Variants in KDM3B observed in about 807,000 individuals in gnomAD.
KDM3B encodes the protein lysine-specific demethylase 3B.
A neutral mutation model predicts 170.0 loss-of-function variants in KDM3B; 10 were observed. The observed-to-expected ratio is 0.06, with a 90% confidence interval of 0.04 to 0.10. The LOEUF (loss-of-function observed/expected upper bound fraction) is 0.10, where lower values mean the gene tolerates loss of function less well. KDM3B is among the 10% of genes least tolerant of loss of function. The pLI is 1.00. For synonymous variants in KDM3B, 831 were observed against 834.8 expected, an observed-to-expected ratio of 1.00 and a Z score of 0.08; for missense variants, 1,394 against 2,195.2, an observed-to-expected ratio of 0.64 and a Z score of 7.29.
chr5:138,358,220 T>C (rs187968025), intron 1 of KDM3B, among the ~76,000 whole-genome samples: 6 of 151,602 alleles, frequency 4.0e-5, no homozygotes, highest in Non-Finnish European at 8.8e-5. Flanking sequence ...TGACCTTAGG[T>C]GATCTGCCTG....
intron 9 of KDM3B, among the ~76,000 whole-genome samples, chr5:138,397,130 A>G (rs1274747397): frequency 6.6e-6 from 1 of 152,050 alleles, no homozygotes; most frequent in East Asian, 1.9e-4. Flanking sequence ...GGAGATCGAG[A>G]CCATCCTGGC....
chr5:138,428,414 T>A (rs1436388962), intron 20 of KDM3B, among the ~76,000 whole-genome samples: 1 of 152,186 alleles, frequency 6.6e-6, no homozygotes, highest in Admixed American at 6.5e-5. Flanking sequence ...TTTCGCCATG[T>A]TGGCCAGGCT....
chr5:138,381,468 T>C (rs1311013293), intron 5 of KDM3B, 48 bp from the exon 6 acceptor site: 1 of 1,109,800 alleles, frequency 9.0e-7, no homozygotes, highest in Non-Finnish European at 1.4e-6. Flanking sequence ...TATATAATTA[T>C]GTCTTTATGG....
intron 12 of KDM3B, among the ~76,000 whole-genome samples, chr5:138,416,850 T>A (rs1232072127): frequency 6.6e-6 from 1 of 152,162 alleles, no homozygotes. Context: ...GGACGGAGTC[T>A]CACCCTGTTG....
At chr5:138,435,223 C>A (rs1218873121) in intron 23 of KDM3B, among the ~76,000 whole-genome samples, 2 of 152,144 alleles carry the variant, frequency 1.3e-5, no homozygotes, top group African/African-American at 4.8e-5. Context: ...AGCCTCTTAA[C>A]CATATAAGGA....
intron 16 of KDM3B, among the ~76,000 whole-genome samples, chr5:138,424,702 C>G (rs1243721990): frequency 1.3e-5 from 2 of 152,056 alleles, no homozygotes; most frequent in African/African-American, 4.8e-5. Context: ...ATCACTTTAC[C>G]CGGGAAGCAG....
intron 1 of KDM3B, among the ~76,000 whole-genome samples, chr5:138,358,831 T>C (rs1761524133): frequency 6.6e-6 from 1 of 151,772 alleles, no homozygotes; most frequent in South Asian, 2.1e-4. Context: ...TTAGGGTATA[T>C]GTGCACAATG....
chr5:138,422,403 G>A (rs1434327662), intron 15 of KDM3B, among the ~76,000 whole-genome samples: 2 of 152,178 alleles, frequency 1.3e-5, no homozygotes, highest in Non-Finnish European at 2.9e-5. Flanking sequence ...TTGGGAGGCT[G>A]AGGCGGACAG....
chr5:138,374,079 T>A (rs1761938073), intron 2 of KDM3B, among the ~76,000 whole-genome samples: 1 of 152,102 alleles, frequency 6.6e-6, no homozygotes, highest in Non-Finnish European at 1.5e-5. Context: ...CTGCAACCTC[T>A]GCTTCCCAGG....
chr5:138,371,969 C>T (rs1053284312), intron 1 of KDM3B, among the ~76,000 whole-genome samples: 6 of 151,952 alleles, frequency 3.9e-5, no homozygotes, highest in African/African-American at 1.2e-4. Context: ...AAAAATAAGC[C>T]GGGCATGGTG....
chr5:138,425,621 G>C, intron 17 of KDM3B, 39 bp downstream of exon 17: 1 of 1,565,716 alleles, frequency 6.4e-7, no homozygotes, highest in Non-Finnish European at 8.7e-7. Flanking sequence ...ATAGCAGACT[G>C]GAAAATAAGC....
At chr5:138,419,652 CAAAA>C (rs1170205178) in intron 14 of KDM3B, among the ~76,000 whole-genome samples, 60 of 47,060 alleles carry the variant, frequency 1.3e-3, no homozygotes, top group South Asian at 2.5e-3. Flanking sequence ...GACTCTGTCT[CAAAA>C]AAAAAAAAAA....
chr5:138,400,607 A>G (rs1439162671), intron 11 of KDM3B, among the ~76,000 whole-genome samples: 2 of 152,092 alleles, frequency 1.3e-5, no homozygotes, highest in Non-Finnish European at 2.9e-5. Flanking sequence ...TTAGCTAGCT[A>G]GATATGGTGG....
intron 3 of KDM3B, among the ~76,000 whole-genome samples, chr5:138,376,923 A>G (rs1445445547): frequency 2.0e-5 from 3 of 152,100 alleles, no homozygotes; most frequent in Non-Finnish European, 2.9e-5. Flanking sequence ...AAATGTATTT[A>G]TTTTTCACTT....
At chr5:138,355,001 C>T (rs1042313972) in intron 1 of KDM3B, among the ~76,000 whole-genome samples, 14 of 152,062 alleles carry the variant, frequency 9.2e-5, no homozygotes, top group Admixed American at 2.6e-4. Flanking sequence ...GAGAATGGGC[C>T]GTTTTCTTTT....
intron 20 of KDM3B, among the ~76,000 whole-genome samples, chr5:138,429,419 A>AT (rs1171602758): frequency 6.6e-6 from 1 of 152,132 alleles, no homozygotes; most frequent in Non-Finnish European, 1.5e-5. Context: ...ATAGACAAGC[A>AT]TTAAAAGCCA....
rs1170899624 is a variant in KDM3B at position 138,363,969 on chromosome 5, T to G, written c.193-8705T>G. ...ACTCACTCTGTCGCCTAGGCTAGAG[T>G]GCAGTGGCACGATCTGTGCTCACTG... is the stretch of plus-strand genomic sequence containing the variant. On this transcript the variant is annotated intron_variant, in intron 1 of 23. Transcript: ENST00000314358. 2.9e-4 allele frequency among the ~76,000 whole-genome samples: 43 copies of G among 150,448 alleles called. 1 individual carries two copies. The highest frequency in any genetic ancestry group is 7.4e-5 in the Non-Finnish European group (5 of 67,820).
rs1762432040 is a variant in KDM3B, at chr5:138,391,630, C to T, written c.1998C>T (p.Val666=). The T allele has an allele frequency of 6.2e-7, 1 of 1,614,050 alleles. No homozygotes were observed. The highest frequency in any genetic ancestry group is 8.5e-7 in the Non-Finnish European group (1 of 1,180,046). The part of the protein sequence containing the change: ...ASGSSSSATT[V]TSKVAPSWPE... ...GTAGCTCCTCTTCTGCTACCACTGT[C>T]ACCTCCAAGGTGGCACCCAGCTGGC... The change falls in exon 8 of 24, where the codon GTC becomes GTT. Residue 666 remains valine, a synonymous_variant. Transcript: ENST00000314358. The surrounding 1 kb of genome is among the most constrained non-coding windows in gnomAD (Gnocchi z 5.0).
Position 138,372,808 on chromosome 5 carries a change from C to A in KDM3B, c.327C>A (p.Gly109=), listed in dbSNP as rs774740996. Residue 109 remains glycine (G), a synonymous_variant, in exon 2 of 24, where the codon GGC becomes GGA. Coordinates refer to ENST00000314358, the MANE Select transcript of KDM3B (RefSeq NM_016604.4). ...GTGAGGACCCAGTCCTTCTCCAGGGCATTCGAGTCTCCATTGCACAATGGC... is the reference window on the plus strand; with the variant it reads ...GTGAGGACCCAGTCCTTCTCCAGGGAATTCGAGTCTCCATTGCACAATGGC... The part of the protein sequence containing the change: ...APREDPVLLQ[G]IRVSIAQWPA... 1.1e-5 allele frequency: 17 copies of A among 1,614,108 alleles called. No homozygotes were observed. Among genetic ancestry groups the A allele is most frequent in the Non-Finnish European group, 1.0e-5 (12 of 1,180,016 alleles).
Sources: allele counts gnomAD v4.1 joint callset (sites outside exome capture counted in the v4.1 genomes callset), GRCh38; gene constraint gnomAD v4.1.1; non-coding constraint Gnocchi (gnomAD v3.1); transcripts MANE v1.5; gene names NCBI Gene and HGNC (gene_info 2026-07-23, HGNC 2026-07-21).